The following FBXL17 variants were observed in gnomAD, a reference collection of about 807,000 sequenced individuals.
The protein encoded by FBXL17 is F-box and leucine rich repeat protein 17, also known as F-box/LRR-repeat protein 17.
FBXL17 carries 22 observed loss-of-function variants against 66.2 expected under a neutral mutation model. The observed-to-expected ratio is 0.33, with a 90% CI of 0.24 to 0.47. The LOEUF (loss-of-function observed/expected upper bound fraction) is 0.47, where lower values mean the gene tolerates loss of function less well. FBXL17 is among the 20% of genes least tolerant of loss of function. The pLI, the probability that FBXL17 is intolerant of heterozygous loss-of-function variation, is 1.00. For missense variants in FBXL17, 878 were observed against 948.2 expected (o/e 0.93, Z 0.97); for synonymous variants, 474 against 400.5 (o/e 1.18, Z -2.19).
At chr5:108,215,773 T>C (rs1306613500) in intron 5 of FBXL17, among the ~76,000 whole-genome samples, 1 of 152,188 alleles carries the variant, frequency 6.6e-6, no homozygotes, top group Non-Finnish European at 1.5e-5. Flanking sequence ...AATCCATTAC[T>C]GAATTCAAGG....
rs977633766 is a variant in FBXL17, at chr5:107,929,856, C to T, written c.1823-48677G>A. On this transcript the variant is annotated intron_variant, in intron 7 of 8. Transcript: ENST00000542267. ...GGACGGGAGAAGAGATGGGAGCTAG[C>T]AATTGCAAAATTTTTATACTCTATT... Among the ~76,000 whole-genome samples the T allele has an allele frequency of 2.0e-5, 3 of 151,634 alleles. No individual in the cohort carries two copies. The South Asian group carries it at 6.3e-4, about 32-fold the overall frequency.
Position 108,369,137 on chromosome 5 carries a change from T to C in FBXL17, c.994-1184A>G, listed in dbSNP as rs150685661. ...ATATCTGATTGCTTCCTCTGCCATA[T>C]TGTTTATGTAAAAATGCAGGTTCAC... On this transcript the variant is annotated intron_variant, in intron 1 of 8. Transcript: ENST00000542267. Among the ~76,000 whole-genome samples, 431 of 152,300 alleles carry C rather than the reference T, an allele frequency of 2.8e-3. 3 individuals carry two copies. Among genetic ancestry groups the C allele is most frequent in the African/African-American group, 9.7e-3 (405 of 41,578 alleles).
At chr5:108,013,846 A>G (rs570579772) in intron 7 of FBXL17, among the ~76,000 whole-genome samples, 17 of 152,222 alleles carry the variant, frequency 1.1e-4, no homozygotes, top group African/African-American at 4.1e-4. Flanking sequence ...AGTTCTCGTA[A>G]TAGAGAACTC....
chr5:108,044,353 CCTGT>C (rs1747167720), intron 6 of FBXL17, among the ~76,000 whole-genome samples: 3 of 152,082 alleles, frequency 2.0e-5, no homozygotes, highest in Admixed American at 1.3e-4. Flanking sequence ...TGAGAAAGTT[CCTGT>C]CTGTTTCTGT....
intron 4 of FBXL17, among the ~76,000 whole-genome samples, chr5:108,309,798 C>A (rs1759029065): frequency 1.3e-5 from 2 of 151,978 alleles, no homozygotes; most frequent in Non-Finnish European, 2.9e-5. Context: ...GCCATTTGTA[C>A]TTTACTGTGT....
At chr5:108,007,526 TA>T (rs1370595515) in intron 7 of FBXL17, among the ~76,000 whole-genome samples, 7 of 151,618 alleles carry the variant, frequency 4.6e-5, no homozygotes, top group Non-Finnish European at 7.4e-5. Flanking sequence ...ACCAGTTTCT[TA>T]AAGGTGAAAA....
intron 1 of FBXL17, among the ~76,000 whole-genome samples, chr5:108,376,786 C>CTTT (rs11286870): frequency 9.1e-6 from 1 of 110,022 alleles, no homozygotes; most frequent in Non-Finnish European, 2.0e-5. Flanking sequence ...AGTGTATATT[C>CTTT]TTTTTTTTTT....
intron 4 of FBXL17, among the ~76,000 whole-genome samples, chr5:108,242,597 T>A (rs186700746): frequency 1.0e-3 from 152 of 152,276 alleles, no homozygotes; most frequent in Non-Finnish European, 1.7e-3. Flanking sequence ...GTGAAATATT[T>A]TAGCTTTTAA....
At chr5:108,085,442 T>TGACTC (rs2149923567) in intron 6 of FBXL17, among the ~76,000 whole-genome samples, 1 of 152,312 alleles carries the variant, frequency 6.6e-6, no homozygotes, top group East Asian at 1.9e-4. Context: ...CAGGAAAAGT[T>TGACTC]GACTCCACTG....
intron 3 of FBXL17, among the ~76,000 whole-genome samples, chr5:108,354,378 T>C (rs556982707): frequency 6.6e-6 from 1 of 151,956 alleles, no homozygotes; most frequent in South Asian, 2.1e-4. Context: ...CATTAGTAGA[T>C]GGGACATGGT....
intron 6 of FBXL17, among the ~76,000 whole-genome samples, chr5:108,144,663 T>C (rs1032033633): frequency 1.1e-4 from 17 of 152,306 alleles, no homozygotes; most frequent in African/African-American, 4.1e-4. Context: ...AACTATTTCA[T>C]AAACATTCCT....
Position 107,881,114 on chromosome 5 carries a change from T to C in FBXL17, c.1888A>G (p.Ile630Val), listed in dbSNP as rs1238222312. ...ETVDVGWCKEITDQGATLIAQ... is the reference protein window; with the variant it reads ...ETVDVGWCKEVTDQGATLIAQ... ...ATCAGGGTGGCTCCTTGGTCTGTGA[T>C]TTCTTTACACCATCCGACATCCACA... Residue 630 changes from isoleucine to valine, a missense_variant, in exon 8 of 9, where the codon ATC (isoleucine) becomes GTC (valine). Around this residue, in one of 4 missense-constraint regions of FBXL17, gnomAD observed 236 missense variants for 389.1 expected, o/e 0.61. Transcript: ENST00000542267. The C allele has an allele frequency of 6.2e-7, 1 of 1,614,108 alleles. No individual in the cohort carries two copies. Among genetic ancestry groups the C allele is most frequent in the Admixed American group, 1.7e-5 (1 of 60,030 alleles).
chr5:108,107,120 G>A (rs1477929210), intron 6 of FBXL17, among the ~76,000 whole-genome samples: 1 of 152,112 alleles, frequency 6.6e-6, no homozygotes, highest in East Asian at 1.9e-4. Context: ...CACCCAGGCT[G>A]GAGTGCAGTG....
At chr5:108,060,214 T>C (rs1561390883) in intron 6 of FBXL17, among the ~76,000 whole-genome samples, 1 of 151,836 alleles carries the variant, frequency 6.6e-6, no homozygotes, top group Non-Finnish European at 1.5e-5. Context: ...ACTAAAAATA[T>C]ATTGATTGGT....
intron 4 of FBXL17, among the ~76,000 whole-genome samples, chr5:108,297,079 T>C (rs1254459192): frequency 2.6e-5 from 4 of 151,492 alleles, no homozygotes. Context: ...CCTAACCTTC[T>C]TCAATTGGAT....
intron 7 of FBXL17, among the ~76,000 whole-genome samples, chr5:107,897,078 T>C (rs1227081008): frequency 1.3e-5 from 2 of 151,994 alleles, no homozygotes; most frequent in Admixed American, 6.6e-5. Context: ...TTTTAGAAAG[T>C]GGTTTGGCCT....
chr5:108,099,805 G>A (rs557170067), intron 6 of FBXL17, among the ~76,000 whole-genome samples: 1 of 152,300 alleles, frequency 6.6e-6, no homozygotes, highest in African/African-American at 2.4e-5. Flanking sequence ...GCATGTTTGA[G>A]GATGGCATAT....
At chr5:108,266,660 T>C (rs1319494028) in intron 4 of FBXL17, among the ~76,000 whole-genome samples, 2 of 152,140 alleles carry the variant, frequency 1.3e-5, no homozygotes, top group African/African-American at 2.4e-5. Flanking sequence ...AAAAATGGTA[T>C]ACTGAGGTTG....
chr5:108,012,841 C>T (rs972707808), intron 7 of FBXL17, among the ~76,000 whole-genome samples: 3 of 151,920 alleles, frequency 2.0e-5, no homozygotes, highest in Admixed American at 6.6e-5. Flanking sequence ...CATGGAGAAA[C>T]CCTGTCTCTA....
Sources: allele counts gnomAD v4.1 joint callset (sites outside exome capture counted in the v4.1 genomes callset), GRCh38; gene constraint gnomAD v4.1.1; regional missense constraint gnomAD v4.1.1; transcripts MANE v1.5; gene names NCBI Gene and HGNC (gene_info 2026-07-23, HGNC 2026-07-21).